The following VCL variants were observed in gnomAD, a reference collection of about 807,000 sequenced individuals.
VCL encodes the protein epididymis luminal protein 114.
VCL carries 47 observed loss-of-function variants against 125.7 expected under a neutral mutation model. The observed-to-expected ratio is 0.37, with a 90% CI of 0.30 to 0.48. The LOEUF (loss-of-function observed/expected upper bound fraction) is 0.48, where lower values mean the gene tolerates loss of function less well. Among genes scored for constraint, VCL ranks in the 20% least tolerant of loss-of-function variants. VCL has a pLI of 0.99. For missense variants in VCL, 1,069 were observed against 1,455.5 expected (o/e 0.73, Z 4.32); for synonymous variants, 458 against 514.6 (o/e 0.89, Z 1.49).
chr10:74,035,406 G>A (rs1181269121), intron 1 of VCL, among the ~76,000 whole-genome samples: 13 of 151,934 alleles, frequency 8.6e-5, no homozygotes, highest in Admixed American at 7.9e-4. Flanking sequence ...ATTGAACAAA[G>A]GATATTTAAA....
At chr10:74,101,455 C>T (rs1258482736) in intron 14 of VCL, among the ~76,000 whole-genome samples, 1 of 151,952 alleles carries the variant, frequency 6.6e-6, no homozygotes. Flanking sequence ...CACTGCCCTC[C>T]AGCCTGGGGT....
intron 1 of VCL, among the ~76,000 whole-genome samples, chr10:74,017,440 AC>A (rs199974521): frequency 0.013 from 2,006 of 152,036 alleles, 21 homozygotes; most frequent in South Asian, 0.051. Flanking sequence ...GATTGCTTCC[AC>A]CTTTTGGCTA....
At chr10:74,013,057 C>T (rs1202794273) in intron 1 of VCL, among the ~76,000 whole-genome samples, 1 of 152,176 alleles carries the variant, frequency 6.6e-6, no homozygotes. Context: ...GTGTTTGTCT[C>T]TGAATTTTTA....
At chr10:74,043,913 T>C (rs1385111663) in intron 2 of VCL, among the ~76,000 whole-genome samples, 1 of 151,586 alleles carries the variant, frequency 6.6e-6, no homozygotes, top group Non-Finnish European at 1.5e-5. Flanking sequence ...ATCGAGACCA[T>C]CCTGGCTAAC....
chr10:74,073,547 A>G (rs1839525039), intron 5 of VCL, among the ~76,000 whole-genome samples: 1 of 152,226 alleles, frequency 6.6e-6, no homozygotes, highest in Non-Finnish European at 1.5e-5. Flanking sequence ...GATATTATAG[A>G]GCATCATATG....
At chr10:74,080,383 G>C (rs1282618811) in intron 6 of VCL, among the ~76,000 whole-genome samples, 5 of 152,238 alleles carry the variant, frequency 3.3e-5, no homozygotes, top group Non-Finnish European at 7.4e-5. Flanking sequence ...AATTAGGTTT[G>C]TAGGAGTCAG....
intron 2 of VCL, among the ~76,000 whole-genome samples, chr10:74,068,866 C>T (rs1225271153): frequency 6.6e-6 from 1 of 151,642 alleles, no homozygotes; most frequent in Non-Finnish European, 1.5e-5. Flanking sequence ...AGAGATTTCT[C>T]ATTGTATGCC....
At chr10:74,073,573 C>T (rs1367413351) in intron 5 of VCL, among the ~76,000 whole-genome samples, 1 of 152,200 alleles carries the variant, frequency 6.6e-6, no homozygotes, top group African/African-American at 2.4e-5. Flanking sequence ...GACATGAACT[C>T]AGAGCCCTTT....
At chr10:74,056,302 G>T (rs112636691) in intron 2 of VCL, among the ~76,000 whole-genome samples, 4 of 151,686 alleles carry the variant, frequency 2.6e-5, no homozygotes, top group African/African-American at 9.7e-5. Context: ...CTCATTGTGG[G>T]TTATTTTTTA....
chr10:74,085,462 C>T (rs966088455), intron 8 of VCL, among the ~76,000 whole-genome samples: 13 of 152,070 alleles, frequency 8.5e-5, no homozygotes, highest in Non-Finnish European at 1.8e-4. Context: ...TTTTGAGTTT[C>T]CTTTTCATGA....
chr10:74,013,426 G>A (rs1287699653), intron 1 of VCL, among the ~76,000 whole-genome samples: 1 of 152,064 alleles, frequency 6.6e-6, no homozygotes, highest in Non-Finnish European at 1.5e-5. Context: ...AAACATGGAT[G>A]TAGAATTCTC....
At chr10:74,077,820 A>G in intron 6 of VCL, 2 of 445,474 alleles carry the variant, frequency 4.5e-6, no homozygotes, top group Admixed American at 4.9e-5. Context: ...GCAATGCAAT[A>G]ACTGATTATT....
At chr10:74,105,505 C>T in intron 16 of VCL, 152 bp downstream of exon 16, 4 of 1,028,962 alleles carry the variant, frequency 3.9e-6, no homozygotes, top group Non-Finnish European at 5.8e-6. Context: ...AATCTTTTTC[C>T]ATCCAAGTCT....
chr10:74,084,678 T>C (rs1478373678), intron 8 of VCL, among the ~76,000 whole-genome samples: 2 of 152,146 alleles, frequency 1.3e-5, no homozygotes. Flanking sequence ...AATGGCGCGA[T>C]CTCGGCTCAC....
chr10:74,100,921 G>C, intron 13 of VCL, 27 bp from the exon 14 acceptor site: 1 of 1,613,446 alleles, frequency 6.2e-7, no homozygotes, highest in Non-Finnish European at 8.5e-7. Flanking sequence ...TGAAATAAAT[G>C]TTCTTAATAT....
intron 1 of VCL, among the ~76,000 whole-genome samples, chr10:74,034,003 C>G (rs567478795): frequency 2.6e-5 from 4 of 152,202 alleles, no homozygotes; most frequent in Non-Finnish European, 5.9e-5. Context: ...AGACTGTAAG[C>G]TCCATGAGAT....
chr10:74,017,335 C>A (rs1840566527), intron 1 of VCL, among the ~76,000 whole-genome samples: 1 of 152,106 alleles, frequency 6.6e-6, no homozygotes. Context: ...GCGTGAGCCA[C>A]CGCGCCCGGC....
At chr10:74,026,210 A>G (rs1378529360) in intron 1 of VCL, among the ~76,000 whole-genome samples, 1 of 152,196 alleles carries the variant, frequency 6.6e-6, no homozygotes, top group African/African-American at 2.4e-5. Context: ...CTATTGGCAT[A>G]GCTGCTGGCA....
At chr10:74,117,890 A>C in intron 21 of VCL, 133 bp from the exon 22 acceptor site, 1 of 1,293,616 alleles carries the variant, frequency 7.7e-7, no homozygotes, top group South Asian at 1.2e-5. Context: ...GAAAACCCCT[A>C]GTGATGCAAG....
Sources: gnomAD v4.1 joint callset for allele counts (sites outside exome capture counted in the v4.1 genomes callset) on GRCh38, gnomAD v4.1.1 for gene constraint, MANE v1.5 for transcripts, NCBI Gene and HGNC (gene_info 2026-07-23, HGNC 2026-07-21) for gene names.